POU6F2: variants seen among roughly 807,000 people sequenced by gnomAD.
The protein encoded by POU6F2 is POU domain, class 6, transcription factor 2.
In POU6F2, 31 loss-of-function variants were observed where a neutral mutation model predicts 71.3. That is an observed-to-expected ratio of 0.43 (90% confidence interval 0.33 to 0.59). The LOEUF is 0.59. POU6F2 is among the 20% of genes least tolerant of loss of function. POU6F2 has a pLI of 0.04. For synonymous variants in POU6F2, 347 were observed against 355.7 expected (o/e 0.98, Z 0.27); for missense variants, 783 against 856.8 (o/e 0.91, Z 1.07).
chr7:39,350,497 C>T (rs962900283), intron 5 of POU6F2, among the ~76,000 whole-genome samples: 7 of 152,088 alleles, frequency 4.6e-5, no homozygotes, highest in African/African-American at 1.7e-4. Flanking sequence ...TTCCTTAGAG[C>T]AGTTCTCACC....
chr7:39,299,123 T>C (rs1371599070), intron 4 of POU6F2, among the ~76,000 whole-genome samples: 1 of 152,060 alleles, frequency 6.6e-6, no homozygotes, highest in Non-Finnish European at 1.5e-5. Context: ...TGTAAACCTA[T>C]GTAACAAACC....
chr7:39,281,532 A>G (rs1379664006), intron 4 of POU6F2, among the ~76,000 whole-genome samples: 1 of 152,098 alleles, frequency 6.6e-6, no homozygotes, highest in East Asian at 1.9e-4. Context: ...TAGATCCCAC[A>G]TATGTGTGAG....
intron 4 of POU6F2, among the ~76,000 whole-genome samples, chr7:39,221,847 C>CCT (rs1357601006): frequency 6.6e-6 from 1 of 151,648 alleles, no homozygotes; most frequent in East Asian, 1.9e-4. Flanking sequence ...GTACACAGGC[C>CCT]CTCTGTATGT....
At chr7:39,412,621 A>C (rs922972475) in intron 6 of POU6F2, among the ~76,000 whole-genome samples, 1 of 152,052 alleles carries the variant, frequency 6.6e-6, no homozygotes, top group Non-Finnish European at 1.5e-5. Context: ...GTTGATCAGG[A>C]GTTTAGGGAG....
chr7:39,177,284 A>T (rs1402898367), intron 2 of POU6F2, among the ~76,000 whole-genome samples: 1 of 152,122 alleles, frequency 6.6e-6, no homozygotes, highest in Non-Finnish European at 1.5e-5. Flanking sequence ...GCCTTCACAC[A>T]GAGTTCAGGG....
intron 5 of POU6F2, among the ~76,000 whole-genome samples, chr7:39,385,850 T>C (rs993729207): frequency 8.6e-5 from 13 of 152,002 alleles, no homozygotes; most frequent in African/African-American, 3.1e-4. Context: ...CTACATCCAA[T>C]GACCTACTCA....
intron 2 of POU6F2, among the ~76,000 whole-genome samples, chr7:39,173,245 C>T (rs1793260852): frequency 6.6e-6 from 1 of 152,212 alleles, no homozygotes; most frequent in Admixed American, 6.5e-5. Context: ...ATGTAGCTAG[C>T]TGCTGCTACT....
At chr7:39,022,958 C>A (rs1789711965) in intron 1 of POU6F2, among the ~76,000 whole-genome samples, 1 of 152,054 alleles carries the variant, frequency 6.6e-6, no homozygotes. Context: ...ACACACTCAA[C>A]AGTAGTGTAT....
chr7:39,042,600 G>T (rs948664372), intron 1 of POU6F2, among the ~76,000 whole-genome samples: 1 of 152,010 alleles, frequency 6.6e-6, no homozygotes, highest in African/African-American at 2.4e-5. Context: ...AAGTGAAGTT[G>T]TTTGTTACTG....
intron 2 of POU6F2, among the ~76,000 whole-genome samples, chr7:39,165,051 A>G (rs1170610523): frequency 6.6e-6 from 1 of 152,218 alleles, no homozygotes; most frequent in African/African-American, 2.4e-5. Context: ...TCCTAAGATT[A>G]CAACTCCACT....
chr7:39,199,170 G>A (rs1793844056), intron 2 of POU6F2, among the ~76,000 whole-genome samples: 1 of 152,186 alleles, frequency 6.6e-6, no homozygotes, highest in Non-Finnish European at 1.5e-5. Flanking sequence ...ACTGTACTTT[G>A]GAGGGATCGC....
At chr7:39,231,969 G>A (rs182706680) in intron 4 of POU6F2, among the ~76,000 whole-genome samples, 4 of 152,244 alleles carry the variant, frequency 2.6e-5, no homozygotes, top group African/African-American at 9.6e-5. Context: ...ACTACATTGT[G>A]TTACGAATAA....
intron 7 of POU6F2, among the ~76,000 whole-genome samples, chr7:39,445,162 A>T (rs371669844): frequency 2.0e-5 from 3 of 152,222 alleles, no homozygotes; most frequent in South Asian, 2.1e-4. Context: ...ACAAAAATGT[A>T]TTCAGTTACT....
At chr7:39,145,429 G>A (rs969080312) in intron 2 of POU6F2, among the ~76,000 whole-genome samples, 43 of 152,232 alleles carry the variant, frequency 2.8e-4, no homozygotes, top group African/African-American at 1.0e-3. Context: ...AAACCTGCCT[G>A]AGCAGAGAGA....
intron 4 of POU6F2, among the ~76,000 whole-genome samples, chr7:39,287,106 CTTGT>C (rs1784664813): frequency 6.6e-6 from 1 of 152,176 alleles, no homozygotes; most frequent in African/African-American, 2.4e-5. Context: ...ACAAAGCCTG[CTTGT>C]GCCCACAGCA....
chr7:39,418,989 A>T (rs907836385), intron 6 of POU6F2, among the ~76,000 whole-genome samples: 5 of 131,552 alleles, frequency 3.8e-5, no homozygotes, highest in African/African-American at 1.2e-4. Context: ...ATATATGTGT[A>T]TATATGTGTA....
In POU6F2 at chr7:39,124,069, C is replaced by T. The variant is rs1300884197; in HGVS notation, c.277+38038C>T. The stretch of plus-strand genomic sequence containing the variant: ...GGGCCTTTTTTTTTTTTTTTTGAGA[C>T]AGAGTCTTGCTCTGTCACCCCGGCT... On this transcript the variant is annotated intron_variant, in intron 2 of 9. Coordinates refer to ENST00000518318, the MANE Select transcript of POU6F2 (RefSeq NM_001370959.1). 4.9e-4 allele frequency among the ~76,000 whole-genome samples: 53 copies of T among 109,124 alleles called. 1 individual carries two copies. The highest frequency in any genetic ancestry group is 1.9e-3 in the African/African-American group (51 of 27,374). 71.6% of individuals were successfully genotyped at this position (109,124 alleles called of 152,430 possible). A position where few individuals can be genotyped will look rare whatever the true frequency, so the allele number is the denominator to read the frequency against.
chr7:38,981,072 G>T (rs1205616972), intron 1 of POU6F2, among the ~76,000 whole-genome samples: 1 of 152,148 alleles, frequency 6.6e-6, no homozygotes, highest in African/African-American at 2.4e-5. Flanking sequence ...ACAATTTTTG[G>T]AAATCAAATC....
intron 5 of POU6F2, chr7:39,373,680 C>T: frequency 2.9e-6 from 1 of 350,714 alleles, no homozygotes; most frequent in South Asian, 2.3e-5. Flanking sequence ...AAAGAATAAG[C>T]TCCCAGATTT....
Sources: gnomAD v4.1 joint callset for allele counts (sites outside exome capture counted in the v4.1 genomes callset) on GRCh38, gnomAD v4.1.1 for gene constraint, MANE v1.5 for transcripts, NCBI Gene and HGNC (gene_info 2026-07-23, HGNC 2026-07-21) for gene names.